MARCHF11: variants seen among roughly 807,000 people sequenced by gnomAD.
MARCHF11 encodes the protein membrane associated ring-CH-type finger 11.
Under a neutral mutation model 37.3 loss-of-function variants are expected in MARCHF11, and 29 were observed. The ratio of observed to expected loss-of-function variants is 0.78; its 90% CI spans 0.58 to 1.06. The LOEUF (loss-of-function observed/expected upper bound fraction) is 1.06. Among genes scored for constraint, MARCHF11 ranks in the 50% least tolerant of loss-of-function variants. The probability of loss-of-function intolerance (pLI) is 0.00; values close to 1 mark genes in which losing one functional copy is unlikely to be tolerated. For synonymous variants in MARCHF11, 233 were observed against 228.0 expected (o/e 1.02, Z -0.20); for missense variants, 482 against 533.4 (o/e 0.90, Z 0.95).
intron 2 of MARCHF11, among the ~76,000 whole-genome samples, chr5:16,096,446 G>A (rs552115483): frequency 6.6e-6 from 1 of 152,294 alleles, no homozygotes; most frequent in African/African-American, 2.4e-5. Flanking sequence ...GCCCAGAGAT[G>A]TATCAATAGG....
At chr5:16,116,556 C>T (rs1426049618) in intron 2 of MARCHF11, among the ~76,000 whole-genome samples, 2 of 151,840 alleles carry the variant, frequency 1.3e-5, no homozygotes. Flanking sequence ...AAATGCTGTG[C>T]TATTGGTTTC....
chr5:16,127,310 A>C (rs1737426915), intron 2 of MARCHF11, among the ~76,000 whole-genome samples: 1 of 152,138 alleles, frequency 6.6e-6, no homozygotes, highest in Non-Finnish European at 1.5e-5. Flanking sequence ...GTAAGTGACC[A>C]GATGTCGGTC....
Position 16,067,692 on chromosome 5 carries a change from T to C in MARCHF11, c.988A>G (p.Ile330Val). Residue 330 changes from isoleucine (I) to valine (V), a missense_variant, in exon 4 of 4, where the codon ATC becomes GTC. Physicochemically the swap from Ile to Val is conservative, Grantham distance 29. Transcript: ENST00000332432. ...GACTCTCCCCGGCTGCTTTCTTCGA[T>C]GTCTGTGGCTTTGTCATAATTTAAC... is the stretch of plus-strand genomic sequence containing the variant. ...DVLNYDKATDIEESSRGESST... is the reference protein window; with the variant it reads ...DVLNYDKATDVEESSRGESST... 1.9e-6 allele frequency: 3 copies of C among 1,613,980 alleles called. No individual in the cohort carries two copies. Among genetic ancestry groups the C allele is most frequent in the Non-Finnish European group, 1.7e-6 (2 of 1,179,870 alleles).
At chr5:16,175,174 A>G (rs1019800015) in intron 2 of MARCHF11, among the ~76,000 whole-genome samples, 2 of 152,204 alleles carry the variant, frequency 1.3e-5, no homozygotes, top group Admixed American at 1.3e-4. Context: ...TGATAGCTTC[A>G]GGTGATGTTG....
At position 16,125,996 on chromosome 5, in the gene MARCHF11, C is replaced by T. The variant is rs555545058; in HGVS notation, c.694-34915G>A. 7.9e-5 allele frequency among the ~76,000 whole-genome samples: 12 copies of T among 152,252 alleles called. No homozygotes were observed. The East Asian group carries it at 2.1e-3, about 27-fold the overall frequency. ...GTGAACATAACTTCTTGCTTGCCAG[C>T]TTTAAGAGACTAATTCGAATAAGTG... On this transcript the variant is annotated intron_variant, in intron 2 of 3. Coordinates refer to ENST00000332432, the MANE Select transcript of MARCHF11 (RefSeq NM_001102562.3).
At chr5:16,128,679 G>T (rs1228281767) in intron 2 of MARCHF11, among the ~76,000 whole-genome samples, 1 of 152,172 alleles carries the variant, frequency 6.6e-6, no homozygotes, top group Non-Finnish European at 1.5e-5. Flanking sequence ...AACATAGAAA[G>T]TGTCTTAACA....
chr5:16,076,277 T>C (rs935956286), intron 3 of MARCHF11, among the ~76,000 whole-genome samples: 2 of 152,066 alleles, frequency 1.3e-5, no homozygotes, highest in Admixed American at 1.3e-4. Context: ...ACAAAAAATA[T>C]GGTATATCTT....
intron 2 of MARCHF11, 139 bp downstream of exon 2, chr5:16,177,587 A>T: frequency 1.6e-6 from 1 of 623,086 alleles, no homozygotes; most frequent in Non-Finnish European, 2.4e-6. Context: ...ATGTTTACAA[A>T]TTCTAAATCT....
chr5:16,151,581 G>C (rs1374620404), intron 2 of MARCHF11, among the ~76,000 whole-genome samples: 1 of 127,090 alleles, frequency 7.9e-6, no homozygotes, highest in Non-Finnish European at 1.6e-5. Flanking sequence ...ACAAAAACCT[G>C]ACAGCTTATA....
intron 2 of MARCHF11, among the ~76,000 whole-genome samples, chr5:16,095,091 A>G (rs956443357): frequency 2.6e-5 from 4 of 152,128 alleles, no homozygotes; most frequent in Non-Finnish European, 5.9e-5. Flanking sequence ...AGACTATGTA[A>G]TAATTCCACC....
intron 3 of MARCHF11, among the ~76,000 whole-genome samples, chr5:16,088,160 C>G (rs1254371332): frequency 6.6e-6 from 1 of 152,146 alleles, no homozygotes; most frequent in African/African-American, 2.4e-5. Context: ...CTATTGCTTC[C>G]CCATGAAATC....
chr5:16,158,760 TAGGTAAA>T (rs1738025140), intron 2 of MARCHF11, among the ~76,000 whole-genome samples: 1 of 151,972 alleles, frequency 6.6e-6, no homozygotes, highest in African/African-American at 2.4e-5. Context: ...GTTTGTTACA[TAGGTAAA>T]AGTGTGCCAT....
intron 2 of MARCHF11, among the ~76,000 whole-genome samples, chr5:16,093,429 T>G (rs1736816914): frequency 6.6e-6 from 1 of 152,168 alleles, no homozygotes; most frequent in Non-Finnish European, 1.5e-5. Context: ...GTAGACATAG[T>G]GTGGCTAGGC....
At chr5:16,094,892 T>G (rs1359301914) in intron 2 of MARCHF11, among the ~76,000 whole-genome samples, 2 of 152,180 alleles carry the variant, frequency 1.3e-5, no homozygotes, top group Non-Finnish European at 2.9e-5. Flanking sequence ...TTTATTTGTA[T>G]TAAGTCATTT....
At chr5:16,132,324 G>A (rs950237305) in intron 2 of MARCHF11, among the ~76,000 whole-genome samples, 26 of 152,278 alleles carry the variant, frequency 1.7e-4, no homozygotes, top group Admixed American at 5.2e-4. Context: ...CAACCTTCAG[G>A]CCAGCCAGGT....
At chr5:16,150,844 T>C (rs1168611530) in intron 2 of MARCHF11, among the ~76,000 whole-genome samples, 1 of 152,042 alleles carries the variant, frequency 6.6e-6, no homozygotes, top group Non-Finnish European at 1.5e-5. Context: ...ATATTAATTC[T>C]GAGGACCAGC....
intron 2 of MARCHF11, among the ~76,000 whole-genome samples, chr5:16,161,413 T>C (rs956629679): frequency 1.3e-5 from 2 of 151,868 alleles, no homozygotes; most frequent in African/African-American, 4.8e-5. Flanking sequence ...AACCCACTTA[T>C]GCTTACGGAC....
At chr5:16,125,078 C>G (rs552532303) in intron 2 of MARCHF11, among the ~76,000 whole-genome samples, 1 of 151,456 alleles carries the variant, frequency 6.6e-6, no homozygotes, top group Non-Finnish European at 1.5e-5. Context: ...GGTTTCTTCG[C>G]AAGAATATTT....
chr5:16,079,896 C>T (rs929514724), intron 3 of MARCHF11, among the ~76,000 whole-genome samples: 2 of 152,172 alleles, frequency 1.3e-5, no homozygotes, highest in African/African-American at 4.8e-5. Flanking sequence ...AAAGCCCTTC[C>T]TGGGTGCTGG....
Sources: gnomAD v4.1 joint callset for allele counts (sites outside exome capture counted in the v4.1 genomes callset) on GRCh38, gnomAD v4.1.1 for gene constraint, MANE v1.5 for transcripts, NCBI Gene and HGNC (gene_info 2026-07-23, HGNC 2026-07-21) for gene names.